CYTH4: variants seen among roughly 807,000 people sequenced by gnomAD.
The protein encoded by CYTH4 is cytohesin 4, also known as cytohesin-4.
In CYTH4, 22 loss-of-function variants were observed where a neutral mutation model predicts 57.5. That is an observed-to-expected ratio of 0.38 (90% CI 0.27 to 0.55). The LOEUF is 0.55. Ranked by LOEUF, CYTH4 falls within the 20% of genes least tolerant of loss-of-function variation. The pLI, the probability that CYTH4 is intolerant of heterozygous loss-of-function variation, is 0.74. For missense variants in CYTH4, 420 were observed against 535.6 expected, an observed-to-expected ratio of 0.78 and a Z score of 2.13; for synonymous variants, 186 against 206.5, an observed-to-expected ratio of 0.90 and a Z score of 0.85.
chr22:37,294,901 G>A (rs1186030907), intron 3 of CYTH4, among the ~76,000 whole-genome samples, 177 bp downstream of exon 3: 1 of 152,168 alleles, frequency 6.6e-6, no homozygotes, highest in East Asian at 1.9e-4. Context: ...CCCATCCCGG[G>A]TCTGGTCCCT....
At chr22:37,287,802 G>A (rs1242390370) in intron 1 of CYTH4, among the ~76,000 whole-genome samples, 2 of 152,212 alleles carry the variant, frequency 1.3e-5, no homozygotes, top group African/African-American at 4.8e-5. Context: ...AAGCCTCAGT[G>A]TCTCAAACTG....
At chr22:37,288,185 T>TG (rs1369568882) in intron 1 of CYTH4, among the ~76,000 whole-genome samples, 2 of 152,112 alleles carry the variant, frequency 1.3e-5, no homozygotes, top group Non-Finnish European at 2.9e-5. Flanking sequence ...GAGGCCAAAG[T>TG]GGGCAGATTG....
chr22:37,283,495 G>C (rs1205943054), intron 1 of CYTH4, among the ~76,000 whole-genome samples: 1 of 152,080 alleles, frequency 6.6e-6, no homozygotes, highest in Admixed American at 6.6e-5. Context: ...CCTTGTCCAG[G>C]AGCACCCTTG....
rs574075344 is a variant in CYTH4 at position 37,291,178 on chromosome 22, G to A, written c.20-1443G>A. Among the ~76,000 whole-genome samples the A allele has an allele frequency of 2.8e-3, 427 of 152,268 alleles. 2 individuals are homozygous for A. Among genetic ancestry groups the A allele is most frequent in the Non-Finnish European group, 5.2e-3 (356 of 68,008 alleles). ...AAAGAGACTCAGAATAACAGCAACCGAAACATTCTCAAAACTGATTTATTT... is the reference window on the plus strand; with the variant it reads ...AAAGAGACTCAGAATAACAGCAACCAAAACATTCTCAAAACTGATTTATTT... On this transcript the variant is annotated intron_variant, in intron 1 of 12. Coordinates refer to ENST00000248901, the MANE Select transcript of CYTH4 (RefSeq NM_013385.5).
intron 6 of CYTH4, 157 bp from the exon 7 acceptor site, chr22:37,300,750 C>T: frequency 3.1e-6 from 2 of 637,866 alleles, no homozygotes; most frequent in Non-Finnish European, 5.5e-6. Context: ...CTTGGGGCTC[C>T]CTGGTGCCCA....
intron 1 of CYTH4, among the ~76,000 whole-genome samples, chr22:37,289,060 G>A (rs763619186): frequency 6.6e-6 from 1 of 152,202 alleles, no homozygotes; most frequent in Non-Finnish European, 1.5e-5. Context: ...CAGACAAGAT[G>A]GATTGTTGAC....
intron 9 of CYTH4, among the ~76,000 whole-genome samples, 168 bp from the exon 10 acceptor site, chr22:37,310,820 G>A (rs761403906): frequency 2.0e-5 from 3 of 152,194 alleles, no homozygotes; most frequent in Admixed American, 6.5e-5. Context: ...AGCCACTAAG[G>A]TTCTTGTTTG....
At chr22:37,301,334 C>T (rs1025515891) in intron 7 of CYTH4, among the ~76,000 whole-genome samples, 2 of 152,072 alleles carry the variant, frequency 1.3e-5, no homozygotes, top group African/African-American at 4.8e-5. Flanking sequence ...GCGGTGAGGT[C>T]TGAATGGGGT....
chr22:37,287,521 T>G (rs867260889), intron 1 of CYTH4, among the ~76,000 whole-genome samples: 1 of 152,202 alleles, frequency 6.6e-6, no homozygotes, highest in Non-Finnish European at 1.5e-5. Context: ...CCCAAGGTGA[T>G]TGGTTTTTTC....
chr22:37,305,665 C>A (rs999004306), intron 8 of CYTH4, among the ~76,000 whole-genome samples: 2 of 152,202 alleles, frequency 1.3e-5, no homozygotes, highest in African/African-American at 4.8e-5. Context: ...ATATGTAAAG[C>A]AAGGATTCAG....
intron 1 of CYTH4, among the ~76,000 whole-genome samples, chr22:37,284,942 G>A (rs1331397069): frequency 1.4e-5 from 2 of 140,698 alleles, no homozygotes; most frequent in African/African-American, 2.5e-5. Context: ...GCTCGGCTGG[G>A]GCGGTGGGGG....
intron 1 of CYTH4, among the ~76,000 whole-genome samples, chr22:37,288,809 G>A (rs998161935): frequency 6.6e-6 from 1 of 152,180 alleles, no homozygotes; most frequent in Admixed American, 6.5e-5. Context: ...TCTCAAGACC[G>A]CCCCATGGCT....
intron 1 of CYTH4, among the ~76,000 whole-genome samples, chr22:37,285,897 C>A (rs1601695016): frequency 6.6e-6 from 1 of 152,228 alleles, no homozygotes; most frequent in African/African-American, 2.4e-5. Flanking sequence ...GATGCTTTGA[C>A]CAGTTGCCAC....
chr22:37,308,161 C>T (rs1929469961), intron 8 of CYTH4, among the ~76,000 whole-genome samples: 2 of 152,220 alleles, frequency 1.3e-5, no homozygotes, highest in African/African-American at 4.8e-5. Context: ...CAGGAAGTGG[C>T]CTATCCTCCT....
In CYTH4 at chr22:37,311,468, C is replaced by A. The variant is rs751686825; in HGVS notation, c.898C>A (p.Arg300=). 6.2e-7 allele frequency: 1 copy of A among 1,613,932 alleles called. No individual in the cohort carries two copies. Among genetic ancestry groups the A allele is most frequent in the Non-Finnish European group, 8.5e-7 (1 of 1,179,978 alleles). The change falls in exon 11 of 13, where the codon CGG becomes AGG. Residue 300 remains arginine, a synonymous_variant. Transcript: ENST00000248901. The surrounding 1 kb of genome is among the most constrained non-coding windows in gnomAD (Gnocchi z 4.4). The part of the protein sequence containing the change: ...YFEFTTDKEP[R]GIIPLENLSV... ...CCTTTCCCTGTAGGACAAGGAGCCA[C>A]GGGGAATTATACCTCTTGAGAACCT...
intron 4 of CYTH4, 123 bp downstream of exon 4, chr22:37,296,188 A>T: frequency 3.8e-6 from 4 of 1,050,960 alleles, no homozygotes; most frequent in Non-Finnish European, 4.1e-6. Flanking sequence ...TGTGCCCAGC[A>T]GAGCTGAGCA....
intron 1 of CYTH4, among the ~76,000 whole-genome samples, chr22:37,291,868 C>T (rs971260350): frequency 3.3e-5 from 5 of 152,200 alleles, no homozygotes; most frequent in South Asian, 4.1e-4. Context: ...TAATTCATTT[C>T]CAAGTGGAGA....
intron 4 of CYTH4, 77 bp downstream of exon 4, chr22:37,296,142 C>T (rs922698104): frequency 2.8e-6 from 4 of 1,420,978 alleles, no homozygotes; most frequent in Admixed American, 2.0e-5. Context: ...CTCTCGCTCC[C>T]CTCGGCTGAC....
chr22:37,287,300 T>C (rs928725314), intron 1 of CYTH4, among the ~76,000 whole-genome samples: 2 of 151,946 alleles, frequency 1.3e-5, no homozygotes, highest in African/African-American at 4.8e-5. Context: ...AGGAGCCCCA[T>C]CACTCAATTC....
Sources: allele counts gnomAD v4.1 joint callset (sites outside exome capture counted in the v4.1 genomes callset), GRCh38; gene constraint gnomAD v4.1.1; non-coding constraint Gnocchi (gnomAD v3.1); transcripts MANE v1.5; gene names NCBI Gene and HGNC (gene_info 2026-07-23, HGNC 2026-07-21).